NR1I2: variants seen among roughly 807,000 people sequenced by gnomAD.
NR1I2 encodes nuclear receptor subfamily 1 group I member 2, also known as orphan nuclear receptor PAR1.
A neutral mutation model predicts 43.3 loss-of-function variants in NR1I2; 42 were observed. The observed-to-expected ratio is 0.97, with a 90% CI of 0.76 to 1.26. The LOEUF (loss-of-function observed/expected upper bound fraction) is 1.26, where lower values mean the gene tolerates loss of function less well. Among genes scored for constraint, NR1I2 ranks in the 50% most tolerant of loss-of-function variants. NR1I2 has a pLI of 0.00. For synonymous variants in NR1I2, 229 were observed against 215.0 expected, an observed-to-expected ratio of 1.06 and a Z score of -0.57; for missense variants, 559 against 566.7, an observed-to-expected ratio of 0.99 and a Z score of 0.14.
At position 119,817,543 on chromosome 3, in the gene NR1I2, A is replaced by G. The variant is rs1256423778; in HGVS notation, c.*331A>G. 4.1e-6 allele frequency: 5 copies of G among 1,220,020 alleles called. No homozygotes were observed. The highest frequency in any genetic ancestry group is 3.5e-5 in the Admixed American group (1 of 28,262). The allele number at this position is 1,220,020 out of a possible 1,614,324, so 75.6% of individuals were successfully genotyped here. ...GGGGAGAAATCCCTCAGATCCCACT[A>G]AAGTGTCAAGGTGTGGAAGGGACCA... is the stretch of plus-strand genomic sequence containing the variant. On this transcript the variant is annotated 3_prime_UTR_variant, in exon 9 of 9. Transcript: ENST00000393716.
chr3:119,815,497 G>T lies in NR1I2; in HGVS notation c.1054+58G>T, dbSNP rs934433848. The T allele has an allele frequency of 2.1e-6, 3 of 1,418,274 alleles. No homozygotes were observed. In the African/African-American group the frequency reaches 4.2e-5, roughly 20 times the overall value. The allele number at this position is 1,418,274 out of a possible 1,614,324, so 87.9% of individuals were successfully genotyped here. On this transcript the variant is annotated intron_variant, in intron 7 of 8. Transcript: ENST00000393716. ...CCCCAGCCTTATCTGCCCTCCCCAG[G>T]GAAGGTCCCAGTCTATGGCCTTGCT...
chr3:119,795,097 A>G (rs1306450845), intron 1 of NR1I2, among the ~76,000 whole-genome samples: 2 of 152,168 alleles, frequency 1.3e-5, no homozygotes, highest in African/African-American at 2.4e-5. Context: ...AAACACCACT[A>G]GCTGGGGAGT....
At chr3:119,808,416 G>T (rs1156567413) in intron 2 of NR1I2, among the ~76,000 whole-genome samples, 2 of 152,254 alleles carry the variant, frequency 1.3e-5, no homozygotes, top group African/African-American at 2.4e-5. Context: ...GCCGGGCCCA[G>T]CCTATGCCTG....
chr3:119,798,492 AAATCT>A (rs2055029315), intron 1 of NR1I2, among the ~76,000 whole-genome samples: 1 of 152,100 alleles, frequency 6.6e-6, no homozygotes. Flanking sequence ...GCTATCATCA[AAATCT>A]AATTCCAGGA....
chr3:119,805,376 G>A (rs2055142044), intron 1 of NR1I2, among the ~76,000 whole-genome samples: 1 of 152,094 alleles, frequency 6.6e-6, no homozygotes, highest in Admixed American at 6.6e-5. Context: ...GGTATAAAGT[G>A]GAAAGTGAGT....
intron 1 of NR1I2, among the ~76,000 whole-genome samples, chr3:119,803,305 G>T (rs899650361): frequency 6.6e-6 from 1 of 151,082 alleles, no homozygotes; most frequent in Non-Finnish European, 1.5e-5. Context: ...TCCAGCCTGG[G>T]TGGCAGAGTT....
At chr3:119,792,869 C>T (rs1577271462) in intron 1 of NR1I2, among the ~76,000 whole-genome samples, 1 of 151,658 alleles carries the variant, frequency 6.6e-6, no homozygotes, top group African/African-American at 2.4e-5. Context: ...AGGAAGACTC[C>T]GTCTCAAAAA....
At chr3:119,804,155 A>C (rs1015704584) in intron 1 of NR1I2, among the ~76,000 whole-genome samples, 67 of 151,128 alleles carry the variant, frequency 4.4e-4, no homozygotes, top group Admixed American at 7.9e-4. Flanking sequence ...GCAGATAACG[A>C]GGTCAGGAGA....
At chr3:119,814,841 CCA>C in intron 5 of NR1I2, 136 bp from the exon 6 acceptor site, 1 of 1,072,076 alleles carries the variant, frequency 9.3e-7, no homozygotes, top group East Asian at 2.6e-5. Context: ...CAGACAGCAG[CCA>C]CAGTCATCCT....
chr3:119,812,576 C>T (rs2055259035), intron 4 of NR1I2, 110 bp from the exon 5 acceptor site: 2 of 1,247,634 alleles, frequency 1.6e-6, no homozygotes, highest in East Asian at 2.3e-5. Context: ...TTTGTGCATC[C>T]TCTCGAGCTG....
intron 1 of NR1I2, among the ~76,000 whole-genome samples, chr3:119,803,176 G>GAAAA (rs374112140): frequency 6.9e-6 from 1 of 145,644 alleles, no homozygotes; most frequent in Non-Finnish European, 1.5e-5. Flanking sequence ...TACTAAAAAT[G>GAAAA]AAAAAAAAAA....
Position 119,817,270 on chromosome 3 carries a change from G to T in NR1I2, c.*58G>T. 6.2e-7 allele frequency: 1 copy of T among 1,608,510 alleles called. No homozygotes were observed. The highest frequency in any genetic ancestry group is 8.5e-7 in the Non-Finnish European group (1 of 1,179,520). On this transcript the variant is annotated 3_prime_UTR_variant, in exon 9 of 9. Transcript: ENST00000393716. ...AGCCAGACCCAGAGCCCTCTGAGCC[G>T]CCACTCCCGGGCCAAGACAGATGGA...
At chr3:119,812,655 T>A in intron 4 of NR1I2, 31 bp from the exon 5 acceptor site, 1 of 1,612,704 alleles carries the variant, frequency 6.2e-7, no homozygotes, top group African/African-American at 1.3e-5. Context: ...ATGCTGTCTC[T>A]CCTCTGTCCA....
intron 1 of NR1I2, among the ~76,000 whole-genome samples, chr3:119,805,717 C>CCCCAAA (rs561350711): frequency 3.1e-5 from 3 of 96,620 alleles, no homozygotes; most frequent in Non-Finnish European, 4.0e-5. Context: ...TCCCCCCCAC[C>CCCCAAA]AAAAAAAAAA....
intron 8 of NR1I2, among the ~76,000 whole-genome samples, chr3:119,816,469 C>T (rs1249292866): frequency 1.3e-5 from 2 of 152,138 alleles, no homozygotes. Flanking sequence ...AGCCCCACAC[C>T]CCCAAACTGG....
chr3:119,814,330 C>G (rs1262698465), intron 5 of NR1I2, among the ~76,000 whole-genome samples: 1 of 152,214 alleles, frequency 6.6e-6, no homozygotes, highest in Admixed American at 6.5e-5. Context: ...ACCATAATCT[C>G]AGAGGCTTGT....
At chr3:119,793,029 T>C (rs1034949874) in intron 1 of NR1I2, among the ~76,000 whole-genome samples, 19 of 152,172 alleles carry the variant, frequency 1.2e-4, no homozygotes, top group African/African-American at 4.3e-4. Context: ...GAAGAGCTGG[T>C]TGTTTAAAGA....
Position 119,812,845 on chromosome 3 carries a change from C to A in NR1I2, c.679C>A (p.Pro227Thr). Residue 227 changes from proline to threonine, a missense_variant, in exon 5 of 9, where the codon CCC becomes ACC. Physicochemically the swap from Pro to Thr is conservative, Grantham distance 38. This residue lies in a region of NR1I2 where 323 missense variants were observed against 312.2 expected (regional missense o/e 1.03). Coordinates refer to ENST00000393716, the MANE Select transcript of NR1I2 (RefSeq NM_003889.4). ...GGATGGCAGTGTCTGGAACTACAAA[C>A]CCCCAGCCGACAGTGGCGGGAAAGA... 1 of 1,614,222 alleles carries A rather than the reference C, an allele frequency of 6.2e-7. No homozygotes were observed. The highest frequency in any genetic ancestry group is 8.5e-7 in the Non-Finnish European group (1 of 1,180,040).
rs760063949 is a variant in NR1I2, at chr3:119,810,103, G to A, written c.240G>A (p.Arg80=). The A allele has an allele frequency of 3.1e-6, 5 of 1,613,732 alleles. No homozygotes were observed. The highest frequency in any genetic ancestry group is 3.4e-6 in the Non-Finnish European group (4 of 1,179,958). ...ACGCCCGGCTGAGGTGCCCCTTCCG[G>A]AAGGGCGCCTGCGAGATCACCCGGA... is the stretch of plus-strand genomic sequence containing the variant. The change falls in exon 3 of 9, where the codon CGG becomes CGA. Residue 80 remains arginine, a synonymous_variant. Coordinates refer to ENST00000393716, the MANE Select transcript of NR1I2 (RefSeq NM_003889.4).
Sources: allele counts gnomAD v4.1 joint callset (sites outside exome capture counted in the v4.1 genomes callset), GRCh38; gene constraint gnomAD v4.1.1; regional missense constraint gnomAD v4.1.1; transcripts MANE v1.5; gene names NCBI Gene and HGNC (gene_info 2026-07-23, HGNC 2026-07-21).